The following KCNH7 variants were observed in gnomAD, a reference collection of about 807,000 sequenced individuals.
The protein encoded by KCNH7 is voltage-gated inwardly rectifying potassium channel KCNH7.
In KCNH7, 49 loss-of-function variants were observed where a neutral mutation model predicts 120.8. The ratio of observed to expected loss-of-function variants is 0.41; its 90% confidence interval spans 0.32 to 0.51. KCNH7 has a LOEUF of 0.51. Among genes scored for constraint, KCNH7 ranks in the 20% least tolerant of loss-of-function variants. The pLI is 0.38. For synonymous variants in KCNH7, 547 were observed against 516.1 expected, an observed-to-expected ratio of 1.06 and a Z score of -0.81; for missense variants, 1,097 against 1,446.6, an observed-to-expected ratio of 0.76 and a Z score of 3.92.
chr2:162,552,360 C>T lies in KCNH7; in HGVS notation c.308-15280G>A, dbSNP rs565329622. 4.6e-5 allele frequency among the ~76,000 whole-genome samples: 7 copies of T among 152,214 alleles called. No homozygotes were observed. The East Asian group carries it at 1.2e-3, about 25-fold the overall frequency. On this transcript the variant is annotated intron_variant, in intron 2 of 15. Coordinates refer to ENST00000332142, the MANE Select transcript of KCNH7 (RefSeq NM_033272.4). Reference sequence around the variant, plus strand: ...TTAGAAGGCTTTAAATATTGAGTGACAGCTCAATTGGATAGAGTTTTACAA... The same window carrying T: ...TTAGAAGGCTTTAAATATTGAGTGATAGCTCAATTGGATAGAGTTTTACAA...
At chr2:162,575,442 T>C (rs1299053001) in intron 2 of KCNH7, among the ~76,000 whole-genome samples, 7 of 152,050 alleles carry the variant, frequency 4.6e-5, no homozygotes, top group Non-Finnish European at 4.4e-5. Flanking sequence ...CAGATTTGCA[T>C]GGGGCTCCCT....
intron 2 of KCNH7, among the ~76,000 whole-genome samples, chr2:162,602,948 CTTT>C (rs569735028): frequency 7.4e-6 from 1 of 135,078 alleles, no homozygotes. Context: ...AGCTGGAGGA[CTTT>C]TTTTTTTTTT....
intron 6 of KCNH7, among the ~76,000 whole-genome samples, chr2:162,473,103 G>A (rs1689617031): frequency 6.6e-6 from 1 of 152,050 alleles, no homozygotes; most frequent in Non-Finnish European, 1.5e-5. Flanking sequence ...GATAGCATTA[G>A]GAGATATACC....
intron 6 of KCNH7, among the ~76,000 whole-genome samples, chr2:162,465,017 A>C (rs1382030906): frequency 1.3e-5 from 2 of 152,188 alleles, no homozygotes; most frequent in Non-Finnish European, 2.9e-5. Context: ...ATTTCATAAA[A>C]GAATATGGAG....
At chr2:162,455,795 A>AT (rs1349689229) in intron 6 of KCNH7, among the ~76,000 whole-genome samples, 3 of 151,594 alleles carry the variant, frequency 2.0e-5, no homozygotes, top group African/African-American at 4.8e-5. Context: ...CCCCTTTATC[A>AT]TTTTTTTATT....
At chr2:162,646,178 T>G (rs2105248366) in intron 2 of KCNH7, among the ~76,000 whole-genome samples, 1 of 152,320 alleles carries the variant, frequency 6.6e-6, no homozygotes. Flanking sequence ...ATATTTATGT[T>G]TTATCTGTAT....
At chr2:162,645,950 C>G (rs1372207435) in intron 2 of KCNH7, among the ~76,000 whole-genome samples, 1 of 152,166 alleles carries the variant, frequency 6.6e-6, no homozygotes, top group Non-Finnish European at 1.5e-5. Flanking sequence ...AAGCCAGTCA[C>G]AGTTATTTGC....
intron 2 of KCNH7, among the ~76,000 whole-genome samples, chr2:162,815,391 AAC>A (rs1485164208): frequency 6.6e-6 from 1 of 152,234 alleles, no homozygotes; most frequent in Non-Finnish European, 1.5e-5. Flanking sequence ...CTTATCACAT[AAC>A]ACAATAATTA....
intron 2 of KCNH7, among the ~76,000 whole-genome samples, chr2:162,822,403 A>G (rs1685149898): frequency 6.6e-6 from 1 of 152,170 alleles, no homozygotes; most frequent in Non-Finnish European, 1.5e-5. Flanking sequence ...AGGTTCTATT[A>G]TAATCATATT....
chr2:162,772,692 C>A (rs938206198), intron 2 of KCNH7, among the ~76,000 whole-genome samples: 1 of 152,130 alleles, frequency 6.6e-6, no homozygotes, highest in African/African-American at 2.4e-5. Context: ...ATAGTGGAAG[C>A]CAATTAGGAA....
At chr2:162,803,796 A>G (rs971947694) in intron 2 of KCNH7, among the ~76,000 whole-genome samples, 3 of 151,754 alleles carry the variant, frequency 2.0e-5, no homozygotes, top group African/African-American at 7.2e-5. Flanking sequence ...CTGAAACTTC[A>G]CTTCAGATGA....
At chr2:162,407,167 A>G (rs1049174811) in intron 9 of KCNH7, among the ~76,000 whole-genome samples, 1 of 152,050 alleles carries the variant, frequency 6.6e-6, no homozygotes, top group Admixed American at 6.6e-5. Flanking sequence ...ATCAGCGTTG[A>G]GAGAATAAAC....
intron 2 of KCNH7, among the ~76,000 whole-genome samples, chr2:162,785,429 AAGTATT>A (rs1683662317): frequency 1.3e-5 from 2 of 152,206 alleles, no homozygotes; most frequent in Non-Finnish European, 2.9e-5. Context: ...AGTTCTTGCT[AAGTATT>A]AGTGTTACTA....
chr2:162,831,107 A>G (rs16847417), intron 2 of KCNH7, among the ~76,000 whole-genome samples: 8,330 of 151,992 alleles, frequency 0.055, 309 homozygotes, highest in South Asian at 0.11. Context: ...AAGGGCTCAG[A>G]CTCCACTGTG....
chr2:162,793,348 C>G (rs1684026582), intron 2 of KCNH7, among the ~76,000 whole-genome samples: 1 of 151,818 alleles, frequency 6.6e-6, no homozygotes, highest in African/African-American at 2.4e-5. Context: ...CTAATGTGTA[C>G]TAGGCTTAAT....
intron 2 of KCNH7, among the ~76,000 whole-genome samples, chr2:162,757,508 G>A (rs1379136952): frequency 6.6e-6 from 1 of 151,986 alleles, no homozygotes; most frequent in Admixed American, 6.6e-5. Context: ...AATCTCCCAA[G>A]AATGTTTGTA....
intron 2 of KCNH7, among the ~76,000 whole-genome samples, chr2:162,577,282 G>T (rs977325601): frequency 8.2e-6 from 1 of 121,560 alleles, no homozygotes; most frequent in African/African-American, 3.4e-5. Context: ...TTAACAGATA[G>T]ATCTATCTGT....
chr2:162,752,906 A>AAAGAAAAGAAAAGAAG (rs1688615142), intron 2 of KCNH7, among the ~76,000 whole-genome samples: 2 of 28,048 alleles, frequency 7.1e-5, no homozygotes, highest in Non-Finnish European at 7.5e-5. Flanking sequence ...ATCTCAGAAA[A>AAAGAAAAGAAAAGAAG]AGAAAAGAAA....
intron 2 of KCNH7, among the ~76,000 whole-genome samples, chr2:162,827,478 T>C (rs531766381): frequency 5.9e-5 from 9 of 152,052 alleles, no homozygotes; most frequent in Non-Finnish European, 1.2e-4. Flanking sequence ...ATGATGCAGA[T>C]TATAAGCATA....
Sources: allele counts gnomAD v4.1 joint callset (sites outside exome capture counted in the v4.1 genomes callset), GRCh38; gene constraint gnomAD v4.1.1; transcripts MANE v1.5; gene names NCBI Gene and HGNC (gene_info 2026-07-23, HGNC 2026-07-21).